Variants in DENND2B observed in about 807,000 individuals in gnomAD.
DENND2B encodes DENN domain-containing protein 2B.
A neutral mutation model predicts 116.0 loss-of-function variants in DENND2B; 32 were observed. The observed-to-expected ratio is 0.28, with a 90% CI of 0.21 to 0.37. DENND2B has a LOEUF of 0.37. DENND2B is among the 10% of genes least tolerant of loss of function. The probability of loss-of-function intolerance (pLI) is 1.00; values close to 1 mark genes in which losing one functional copy is unlikely to be tolerated. For synonymous variants in DENND2B, 588 were observed against 583.9 expected (o/e 1.01, Z -0.10); for missense variants, 1,276 against 1,477.7 (o/e 0.86, Z 2.24).
In DENND2B at chr11:8,823,902, TC is replaced by T. The variant is rs1332393577; in HGVS notation, c.-114-12568del. Among the ~76,000 whole-genome samples the T allele has an allele frequency of 7.0e-5, 7 of 99,884 alleles. No individual in the cohort carries two copies. The Admixed American group carries it at 1.0e-3, about 15-fold the overall frequency. The allele number at this position is 99,884 out of a possible 152,430, so 65.5% of individuals were successfully genotyped here. A position where few individuals can be genotyped will look rare whatever the true frequency, so the allele number is the denominator to read the frequency against. ...GGCCACTGCTCATTCTTCTTCTTCTTCTTTTTTTTTTTTTTTTTGAGATGGA... is the reference window on the plus strand; with the variant it reads ...GGCCACTGCTCATTCTTCTTCTTCTTTTTTTTTTTTTTTTTTTGAGATGGA... On this transcript the variant is annotated intron_variant, in intron 4 of 6. Transcript: ENST00000524757.
chr11:8,830,972 C>A (rs2062182397), intron 4 of DENND2B: 1 of 152,318 alleles, frequency 6.6e-6, no homozygotes, highest in South Asian at 2.1e-4. Flanking sequence ...TACCTGGGCC[C>A]TGGAGGGAAA....
At position 8,910,709 on chromosome 11, in the gene DENND2B, A is replaced by AGTGTGTGTGTGTGTGTGTGT. The variant is rs56115841; in HGVS notation, c.-256+92_-256+111dup. The AGTGTGTGTGTGTGTGTGTGT allele has an allele frequency of 6.3e-3, 455 of 72,360 alleles. 32 individuals are homozygous for AGTGTGTGTGTGTGTGTGTGT. The highest frequency in any genetic ancestry group is 0.025 in the African/African-American group (428 of 17,274). 4.5% of individuals were successfully genotyped at this position (72,360 alleles called of 1,614,324 possible). A position where few individuals can be genotyped will look rare whatever the true frequency, so the allele number is the denominator to read the frequency against. ...TGGTACCCCATAACCACTCCTGGCT[A>AGTGTGTGTGTGTGTGTGTGT]GTGTGTGTGTGTGTGTGTGTGTGTG... On this transcript the variant is annotated intron_variant, in intron 1 of 22. Coordinates refer to the DENND2B transcript ENST00000534127.
At chr11:8,721,918 G>A (rs2046260174) in intron 4 of DENND2B, among the ~76,000 whole-genome samples, 2 of 152,254 alleles carry the variant, frequency 1.3e-5, no homozygotes, top group Admixed American at 1.3e-4. Flanking sequence ...TGATGGGAGT[G>A]GGAATCTGCA....
At chr11:8,872,422 G>A (rs2063795421), upstream of DENND2B, among the ~76,000 whole-genome samples, 5 of 148,314 alleles carry the variant, frequency 3.4e-5, no homozygotes, top group Admixed American at 3.4e-4. Flanking sequence ...AGGAGGCAGA[G>A]ATTGCAGTAA....
chr11:8,717,619 C>T, intron 5 of DENND2B, 122 bp downstream of exon 5: 1 of 1,253,536 alleles, frequency 8.0e-7, no homozygotes, highest in Non-Finnish European at 1.1e-6. Flanking sequence ...TGGCCGTAGA[C>T]CCTTTATCAA....
chr11:8,857,740 C>G (rs957171064), intron 2 of DENND2B, among the ~76,000 whole-genome samples: 7 of 152,174 alleles, frequency 4.6e-5, no homozygotes, highest in African/African-American at 1.7e-4. Flanking sequence ...AATTAGGAGT[C>G]AAAACACCTG....
intron 3 of DENND2B, among the ~76,000 whole-genome samples, chr11:8,844,333 G>A (rs1037107142): frequency 3.3e-5 from 5 of 152,194 alleles, no homozygotes; most frequent in East Asian, 1.9e-4. Context: ...CCGGGAGATC[G>A]AGGCTGCAGT....
At chr11:8,804,528 T>C (rs1479571519) in intron 1 of DENND2B, among the ~76,000 whole-genome samples, 1 of 143,578 alleles carries the variant, frequency 7.0e-6, no homozygotes, top group Admixed American at 7.0e-5. Context: ...ATGAACGAGA[T>C]GCAAAATAGC....
intron 4 of DENND2B, among the ~76,000 whole-genome samples, chr11:8,827,714 T>C (rs2062033557): frequency 6.6e-6 from 1 of 152,204 alleles, no homozygotes; most frequent in African/African-American, 2.4e-5. Flanking sequence ...TTTTTTGTTT[T>C]GTTGTTGTTT....
intron 2 of DENND2B, among the ~76,000 whole-genome samples, chr11:8,749,525 A>G (rs1224122991): frequency 6.6e-6 from 1 of 152,180 alleles, no homozygotes; most frequent in Non-Finnish European, 1.5e-5. Flanking sequence ...TCCTGTATGT[A>G]TGGTGTGGGG....
At chr11:8,874,585 C>T (rs1331016505), upstream of DENND2B, among the ~76,000 whole-genome samples, 1 of 152,082 alleles carries the variant, frequency 6.6e-6, no homozygotes, top group Non-Finnish European at 1.5e-5. Flanking sequence ...ACAATGATTT[C>T]TTCCTAGGTA....
intron 1 of DENND2B, among the ~76,000 whole-genome samples, chr11:8,887,589 C>A (rs939899537): frequency 1.3e-5 from 2 of 152,078 alleles, no homozygotes; most frequent in Non-Finnish European, 2.9e-5. Flanking sequence ...CCTTCCATAC[C>A]TTTTCTCTCT....
intron 14 of DENND2B, among the ~76,000 whole-genome samples, chr11:8,699,683 G>C (rs951466445): frequency 2.0e-5 from 3 of 152,186 alleles, no homozygotes; most frequent in Non-Finnish European, 4.4e-5. Context: ...GGGTTTGGGG[G>C]GCACATCAGT....
At chr11:8,806,897 T>C (rs911981300) in intron 1 of DENND2B, among the ~76,000 whole-genome samples, 2 of 139,068 alleles carry the variant, frequency 1.4e-5, no homozygotes, top group East Asian at 4.4e-4. Context: ...CTGCAGACTA[T>C]GCCAGATGGT....
intron 1 of DENND2B, among the ~76,000 whole-genome samples, chr11:8,903,828 G>T (rs1253788832): frequency 7.0e-6 from 1 of 143,026 alleles, no homozygotes; most frequent in South Asian, 2.3e-4. Context: ...AGTTGAGGCT[G>T]TAGTGAGCTG....
chr11:8,737,449 G>T (rs1378364974), intron 2 of DENND2B, among the ~76,000 whole-genome samples: 1 of 152,162 alleles, frequency 6.6e-6, no homozygotes, highest in Non-Finnish European at 1.5e-5. Context: ...ACTGAGAAAT[G>T]ATTTGAAACA....
rs966435044 is a variant in DENND2B at position 8,707,434 on chromosome 11, A to T, written c.2431-209T>A. Among the ~76,000 whole-genome samples the T allele has an allele frequency of 2.0e-5, 3 of 152,208 alleles. No individual in the cohort carries two copies. The highest frequency in any genetic ancestry group is 7.2e-5 in the African/African-American group (3 of 41,452). ...TCTGTTCCCTAACTGGCCTTGCTTC[A>T]GTCCCCAAGAGCGGAGTAGCTGGGC... On this transcript the variant is annotated intron_variant, in intron 12 of 19. Coordinates refer to ENST00000313726, the MANE Select transcript of DENND2B (RefSeq NM_213618.2). The surrounding 1 kb of genome is among the most constrained non-coding windows in gnomAD (Gnocchi z 4.8).
At chr11:8,808,363 G>A (rs2061064075) in intron 1 of DENND2B, 1 of 152,188 alleles carries the variant, frequency 6.6e-6, no homozygotes, top group Non-Finnish European at 1.5e-5. Context: ...CACAGGAAAA[G>A]CGACGGGTCT....
At chr11:8,800,433 A>G (rs906866331) in intron 1 of DENND2B, among the ~76,000 whole-genome samples, 1 of 152,212 alleles carries the variant, frequency 6.6e-6, no homozygotes, top group Non-Finnish European at 1.5e-5. Context: ...TCCTGGTTCT[A>G]CAAGGAGCTA....
Sources: allele counts gnomAD v4.1 joint callset (sites outside exome capture counted in the v4.1 genomes callset), GRCh38; gene constraint gnomAD v4.1.1; non-coding constraint Gnocchi (gnomAD v3.1); transcripts MANE v1.5; gene names NCBI Gene and HGNC (gene_info 2026-07-23, HGNC 2026-07-21).